Variants in PLAA observed in about 807,000 individuals in gnomAD.
PLAA encodes phospholipase A-2-activating protein.
Under a neutral mutation model 84.1 loss-of-function variants are expected in PLAA, and 48 were observed. The observed-to-expected ratio is 0.57, with a 90% CI of 0.45 to 0.73. The LOEUF (loss-of-function observed/expected upper bound fraction) is 0.73. PLAA is among the 30% of genes least tolerant of loss of function. The pLI is 0.00. For synonymous variants in PLAA, 392 were observed against 336.6 expected, an observed-to-expected ratio of 1.16 and a Z score of -1.80; for missense variants, 903 against 954.7, an observed-to-expected ratio of 0.95 and a Z score of 0.71.
intron 1 of PLAA, among the ~76,000 whole-genome samples, chr9:26,942,898 A>G (rs1341731766): frequency 6.7e-6 from 1 of 149,774 alleles, no homozygotes. Flanking sequence ...AAAAAAAAAA[A>G]GGCACAGAAA....
At chr9:26,917,046 G>A in intron 10 of PLAA, 51 bp downstream of exon 10, 1 of 1,426,080 alleles carries the variant, frequency 7.0e-7, no homozygotes, top group Non-Finnish European at 9.9e-7. Flanking sequence ...TGTGATGCAA[G>A]ATGCTATACA....
At chr9:26,923,417 T>A in intron 6 of PLAA, 70 bp from the exon 7 acceptor site, 3 of 1,090,496 alleles carry the variant, frequency 2.8e-6, no homozygotes, top group Non-Finnish European at 2.7e-6. Flanking sequence ...ACCTGAATGA[T>A]CCATAGTAAA....
At chr9:26,923,618 C>T (rs954722675) in intron 6 of PLAA, among the ~76,000 whole-genome samples, 1 of 152,098 alleles carries the variant, frequency 6.6e-6, no homozygotes, top group Non-Finnish European at 1.5e-5. Flanking sequence ...GAATCTAGAG[C>T]TATAGTATGT....
intron 1 of PLAA, among the ~76,000 whole-genome samples, chr9:26,942,370 T>C (rs532486855): frequency 3.3e-5 from 5 of 152,306 alleles, no homozygotes; most frequent in South Asian, 2.1e-4. Flanking sequence ...GTCAGAAAGT[T>C]TGCATTGTCA....
intron 10 of PLAA, among the ~76,000 whole-genome samples, chr9:26,915,185 C>T (rs1824511792): frequency 6.7e-6 from 1 of 150,336 alleles, no homozygotes; most frequent in Non-Finnish European, 1.5e-5. Context: ...GCACTCCAGC[C>T]TGGGCAAGAA....
rs1364075601 is a variant in PLAA at position 26,947,137 on chromosome 9, G to A, written c.-92C>T. 2.9e-6 allele frequency: 4 copies of A among 1,370,216 alleles called. No individual in the cohort carries two copies. Among genetic ancestry groups the A allele is most frequent in the African/African-American group, 1.5e-5 (1 of 65,770 alleles). 84.9% of individuals were successfully genotyped at this position (1,370,216 alleles called of 1,614,324 possible). Reference sequence around the variant, plus strand: ...AGAGCGCCGGGCCGCGGCGGGAGAAGAGCCTGCAGGTAAGGGGCGGCCGGA... The same window carrying A: ...AGAGCGCCGGGCCGCGGCGGGAGAAAAGCCTGCAGGTAAGGGGCGGCCGGA... On this transcript the variant is annotated 5_prime_UTR_variant, in exon 1 of 14. Coordinates refer to ENST00000397292, the MANE Select transcript of PLAA (RefSeq NM_001031689.3).
intron 1 of PLAA, among the ~76,000 whole-genome samples, chr9:26,940,884 C>A (rs1034014257): frequency 1.3e-5 from 2 of 151,994 alleles, no homozygotes; most frequent in Admixed American, 6.6e-5. Flanking sequence ...GCTTTTGAAA[C>A]CATTTTATCA....
In PLAA at chr9:26,905,787, T is replaced by C. The variant is rs932417293; in HGVS notation, c.2112A>G (p.Thr704=). Residue 704 remains threonine, a synonymous_variant, in exon 14 of 14, where the codon ACA becomes ACG. Transcript: ENST00000397292. ...AACAAACAGAATAGTTCAGGGCCAA[T>C]GTAGCCAGAGCAATGTGAATGTTCT... ...SNKNIHIALA[T]LALNYSVCFH... 1.9e-6 allele frequency: 3 copies of C among 1,614,228 alleles called. No homozygotes were observed. The highest frequency in any genetic ancestry group is 1.1e-5 in the South Asian group (1 of 91,086).
intron 1 of PLAA, among the ~76,000 whole-genome samples, 195 bp downstream of exon 1, chr9:26,946,702 A>G (rs966103182): frequency 2.6e-5 from 4 of 152,156 alleles, no homozygotes; most frequent in African/African-American, 9.7e-5. Flanking sequence ...TGGTCCCCCA[A>G]CCCTGTGCTC....
At chr9:26,918,134 C>T (rs575287994) in intron 9 of PLAA, among the ~76,000 whole-genome samples, 3 of 151,864 alleles carry the variant, frequency 2.0e-5, no homozygotes, top group East Asian at 1.9e-4. Context: ...TTTTTTCAGA[C>T]GGAATCTTGC....
rs908221648 is a variant in PLAA at position 26,905,299 on chromosome 9, A to T, written c.*212T>A. ...TAGCTTATTTTAAATTTGTGTTCAC[A>T]CTCTTGAAAATCTACCCAAATTACA... On this transcript the variant is annotated 3_prime_UTR_variant, in exon 14 of 14. Coordinates refer to ENST00000397292, the MANE Select transcript of PLAA (RefSeq NM_001031689.3). 2 of 526,838 alleles carry T rather than the reference A, an allele frequency of 3.8e-6. No individual in the cohort carries two copies. Among genetic ancestry groups the T allele is most frequent in the Non-Finnish European group, 6.7e-6 (2 of 299,240 alleles). 32.6% of individuals were successfully genotyped at this position (526,838 alleles called of 1,614,324 possible).
At chr9:26,944,341 A>T (rs1272506320) in intron 1 of PLAA, among the ~76,000 whole-genome samples, 1 of 152,210 alleles carries the variant, frequency 6.6e-6, no homozygotes, top group Non-Finnish European at 1.5e-5. Flanking sequence ...TGCTACAGCA[A>T]CACAAAAGAG....
intron 2 of PLAA, among the ~76,000 whole-genome samples, chr9:26,932,932 C>T (rs1022400659): frequency 3.3e-5 from 5 of 151,948 alleles, no homozygotes; most frequent in African/African-American, 9.7e-5. Context: ...GTCAAGAGTT[C>T]GAGACCAGCC....
At chr9:26,938,554 TA>T (rs34448526) in intron 1 of PLAA, among the ~76,000 whole-genome samples, 26,190 of 114,592 alleles carry the variant, frequency 0.23, 3,068 homozygotes, top group East Asian at 0.65. Context: ...CACCATTTCT[TA>T]AAAAAAAAAA....
chr9:26,933,523 T>C (rs903860065), intron 2 of PLAA, among the ~76,000 whole-genome samples: 12 of 151,848 alleles, frequency 7.9e-5, no homozygotes, highest in Admixed American at 6.5e-4. Flanking sequence ...GCGCAGTGGC[T>C]CACGCCTGTA....
In PLAA at chr9:26,920,253, A is replaced by G. The variant is rs772601471; in HGVS notation, c.1171T>C (p.Ser391Pro). 1.9e-6 allele frequency: 3 copies of G among 1,613,932 alleles called. No homozygotes were observed. Among genetic ancestry groups the G allele is most frequent in the Non-Finnish European group, 2.5e-6 (3 of 1,179,868 alleles). ...VGSSGANQQT[S>P]GKVLYEGKEF... ...TTCCCTTCATATAAAACTTTTCCAG[A>G]TGTTTGCTGATTAGCACCAGATGAG... is the stretch of plus-strand genomic sequence containing the variant. Residue 391 changes from serine to proline, a missense_variant, in exon 8 of 14, where the codon TCT becomes CCT. Physicochemically the swap from Ser to Pro is moderately conservative, Grantham distance 74. Coordinates refer to ENST00000397292, the MANE Select transcript of PLAA (RefSeq NM_001031689.3).
chr9:26,915,034 T>C (rs1294227578), intron 10 of PLAA, among the ~76,000 whole-genome samples: 1 of 151,730 alleles, frequency 6.6e-6, no homozygotes, highest in African/African-American at 2.4e-5. Flanking sequence ...CCAACATGGA[T>C]AAACCCTGTC....
intron 6 of PLAA, among the ~76,000 whole-genome samples, chr9:26,924,275 T>A (rs1434955786): frequency 6.6e-6 from 1 of 151,946 alleles, no homozygotes; most frequent in African/African-American, 2.4e-5. Flanking sequence ...GGACTACAAA[T>A]GCATGCCACC....
chr9:26,923,367 GA>G lies in PLAA; in HGVS notation c.870-21del. ...CCATCACTGTAAGGAAAAATAAACT[GA>G]TTTTAGAAGTCATTGCCATAATACA... On this transcript the variant is annotated intron_variant, in intron 6 of 13. Coordinates refer to ENST00000397292, the MANE Select transcript of PLAA (RefSeq NM_001031689.3). The G allele has an allele frequency of 6.4e-7, 1 of 1,553,956 alleles. No homozygotes were observed. The highest frequency in any genetic ancestry group is 8.8e-7 in the Non-Finnish European group (1 of 1,134,576).
Sources: gnomAD v4.1 joint callset for allele counts (sites outside exome capture counted in the v4.1 genomes callset) on GRCh38, gnomAD v4.1.1 for gene constraint, MANE v1.5 for transcripts, NCBI Gene and HGNC (gene_info 2026-07-23, HGNC 2026-07-21) for gene names.